SELENOT: variants seen among roughly 807,000 people sequenced by gnomAD.
SELENOT encodes the protein thioredoxin reductase-like selenoprotein T.
In SELENOT, 9 loss-of-function variants were observed where a neutral mutation model predicts 24.3. The observed-to-expected ratio is 0.37, with a 90% CI of 0.22 to 0.65. The LOEUF is 0.65. SELENOT is among the 30% of genes least tolerant of loss of function. The pLI is 0.60. For synonymous variants in SELENOT, 81 were observed against 86.0 expected (o/e 0.94, Z 0.32); for missense variants, 166 against 247.6 (o/e 0.67, Z 2.21).
Position 150,627,916 on chromosome 3 carries a change from T to C in SELENOT, c.*287T>C, listed in dbSNP as rs1405917771. 2 of 152,160 alleles carry C rather than the reference T, an allele frequency of 1.3e-5. No homozygotes were observed. Among genetic ancestry groups the C allele is most frequent in the Non-Finnish European group, 2.9e-5 (2 of 68,022 alleles). 9.4% of individuals were successfully genotyped at this position (152,160 alleles called of 1,614,324 possible). A position where few individuals can be genotyped will look rare whatever the true frequency, so the allele number is the denominator to read the frequency against. ...GTGTGTGTGTGTTTTTTTTTTAAGG[T>C]AAACATTACTACTTGTAACTTTTTT... On this transcript the variant is annotated 3_prime_UTR_variant, in exon 6 of 6. Coordinates refer to ENST00000471696, the MANE Select transcript of SELENOT (RefSeq NM_016275.5).
In SELENOT at chr3:150,627,110, T is replaced by G. The variant is rs1458760157; in HGVS notation, c.564T>G (p.Asp188Glu). 1 of 1,613,652 alleles carries G rather than the reference T, an allele frequency of 6.2e-7. No homozygotes were observed. The highest frequency in any genetic ancestry group is 1.3e-5 in the African/African-American group (1 of 75,050). The change falls in exon 5 of 6, where the codon GAT (aspartate) becomes GAG (glutamate). Residue 188 changes from aspartate (D) to glutamate (E), a missense_variant. Asp to Glu is a conservative substitution (Grantham distance 45). Transcript: ENST00000471696. The part of the protein sequence containing the change: ...DNEMKLNVHM[D>E]SIPHHRS ...AAATGAAGCTCAATGTGCATATGGA[T>G]TCAATCCCACACCATCGATCATAGC...
At position 150,628,121 on chromosome 3, in the gene SELENOT, T is replaced by C. The variant is rs1726481973; in HGVS notation, c.*492T>C. The C allele has an allele frequency of 6.6e-6, 1 of 152,276 alleles. No homozygotes were observed. Among genetic ancestry groups the C allele is most frequent in the Non-Finnish European group, 1.5e-5 (1 of 68,038 alleles). The allele number at this position is 152,276 out of a possible 1,614,324, so 9.4% of individuals were successfully genotyped here. A position where few individuals can be genotyped will look rare whatever the true frequency, so the allele number is the denominator to read the frequency against. ...ATAAGAGTTTATCAGACATCTCTAA[T>C]TTGGCCATGTCCAGTTTATACAGTT... On this transcript the variant is annotated 3_prime_UTR_variant, in exon 6 of 6. Transcript: ENST00000471696.
chr3:150,628,811 A>G lies in SELENOT; in HGVS notation c.*1182A>G, dbSNP rs1281862571. The stretch of plus-strand genomic sequence containing the variant: ...GAGTAGTCATGTAACAGCAGTAATA[A>G]CATACTTCAGCTTCCATATAGGAAT... On this transcript the variant is annotated 3_prime_UTR_variant, in exon 6 of 6. Coordinates refer to ENST00000471696, the MANE Select transcript of SELENOT (RefSeq NM_016275.5). The G allele has an allele frequency of 2.0e-5, 3 of 152,204 alleles. No homozygotes were observed. Among genetic ancestry groups the G allele is most frequent in the Non-Finnish European group, 4.4e-5 (3 of 68,020 alleles). 9.4% of individuals were successfully genotyped at this position (152,204 alleles called of 1,614,324 possible). A position where few individuals can be genotyped will look rare whatever the true frequency, so the allele number is the denominator to read the frequency against.
intron 4 of SELENOT, among the ~76,000 whole-genome samples, chr3:150,625,558 GTTACCCTCTTCTGCATTCTCTAAA>G (rs1333737286): frequency 1.3e-5 from 2 of 151,796 alleles, no homozygotes; most frequent in Non-Finnish European, 2.9e-5. Flanking sequence ...CAATTAACTT[GTTACCCTCTTCTGCATTCTCTAAA>G]CCAAGGGTTG....
chr3:150,609,128 G>A (rs1177071138), intron 1 of SELENOT, among the ~76,000 whole-genome samples: 1 of 152,150 alleles, frequency 6.6e-6, no homozygotes, highest in Non-Finnish European at 1.5e-5. Flanking sequence ...TTGGTTATGG[G>A]TTTGTCAGAG....
chr3:150,611,501 G>T, intron 1 of SELENOT: 2 of 1,110,622 alleles, frequency 1.8e-6, no homozygotes, highest in Non-Finnish European at 2.8e-6. Context: ...TCGAAATCTT[G>T]AACAGGTGAA....
At chr3:150,621,108 A>C (rs979230349) in intron 1 of SELENOT, among the ~76,000 whole-genome samples, 5 of 152,218 alleles carry the variant, frequency 3.3e-5, no homozygotes, top group African/African-American at 1.2e-4. Flanking sequence ...CATTAGGTGG[A>C]TGTTAAGGAT....
rs1217169211 is a variant in SELENOT, at chr3:150,630,237, TTTGA to T, written c.*2612_*2615del. 2 of 152,240 alleles carry T rather than the reference TTTGA, an allele frequency of 1.3e-5. No individual in the cohort carries two copies. Among genetic ancestry groups the T allele is most frequent in the African/African-American group, 4.8e-5 (2 of 41,458 alleles). The allele number at this position is 152,240 out of a possible 1,614,324, so 9.4% of individuals were successfully genotyped here. A position where few individuals can be genotyped will look rare whatever the true frequency, so the allele number is the denominator to read the frequency against. ...CTTTGAATGTTAATTAGTTTGGGAC[TTTGA>T]TTGGCTGGCAAACATTTTATCATTG... On this transcript the variant is annotated 3_prime_UTR_variant, in exon 6 of 6. Coordinates refer to ENST00000471696, the MANE Select transcript of SELENOT (RefSeq NM_016275.5).
At chr3:150,611,747 C>T (rs984913179) in intron 1 of SELENOT, 8 of 1,427,592 alleles carry the variant, frequency 5.6e-6, no homozygotes, top group Non-Finnish European at 7.8e-6. Context: ...CCTGGCCGCC[C>T]CCAGGGGCCC....
At chr3:150,616,748 A>G (rs1024666664) in intron 1 of SELENOT, among the ~76,000 whole-genome samples, 3 of 152,224 alleles carry the variant, frequency 2.0e-5, no homozygotes, top group Admixed American at 6.5e-5. Flanking sequence ...ATCAAGTGCT[A>G]TTTGAATGTC....
chr3:150,622,917 T>A (rs1431783783), intron 2 of SELENOT, 126 bp from the exon 3 acceptor site: 1 of 832,160 alleles, frequency 1.2e-6, no homozygotes, highest in African/African-American at 1.8e-5. Flanking sequence ...AAACTTTAAT[T>A]GCTTTTTCTA....
intron 1 of SELENOT, among the ~76,000 whole-genome samples, chr3:150,617,258 C>A (rs1726238073): frequency 6.6e-6 from 1 of 152,030 alleles, no homozygotes; most frequent in African/African-American, 2.4e-5. Context: ...AGTCTTAAAT[C>A]TTTTCTCTTA....
At chr3:150,611,204 T>G (rs1726081953) in intron 1 of SELENOT, 1 of 842,240 alleles carries the variant, frequency 1.2e-6, no homozygotes, top group Admixed American at 2.5e-5. Context: ...CATTTCTACA[T>G]GTGAAAAAGC....
rs765226203 is a variant in SELENOT, at chr3:150,624,859, C to T, written c.423C>T (p.Asn141=). ...TCTTCTTGAGCAACATGATTGAGAA[C>T]CAGTGTATGTCAACAGGTGCATTTG... is the stretch of plus-strand genomic sequence containing the variant. ...MVFFLSNMIE[N]QCMSTGAFEI... Residue 141 remains asparagine (N), a synonymous_variant, in exon 4 of 6, where the codon AAC becomes AAT. Transcript: ENST00000471696. 6 of 1,564,304 alleles carry T rather than the reference C, an allele frequency of 3.8e-6. No individual in the cohort carries two copies. The highest frequency in any genetic ancestry group is 1.4e-5 in the African/African-American group (1 of 73,778).
At chr3:150,618,622 A>C (rs1726270095) in intron 1 of SELENOT, 1 of 153,922 alleles carries the variant, frequency 6.5e-6, no homozygotes, top group Non-Finnish European at 1.5e-5. Context: ...CTTAGACTCA[A>C]ATGATCCTCC....
At chr3:150,610,111 T>C (rs34597052) in intron 1 of SELENOT, among the ~76,000 whole-genome samples, 2,601 of 152,268 alleles carry the variant, frequency 0.017, 32 homozygotes, top group Non-Finnish European at 0.028. Context: ...TGAATGAAAA[T>C]GAAACCCAAC....
At chr3:150,612,581 G>C (rs552360905) in intron 1 of SELENOT, among the ~76,000 whole-genome samples, 26 of 152,268 alleles carry the variant, frequency 1.7e-4, no homozygotes, top group African/African-American at 5.8e-4. Flanking sequence ...CAATTATAAA[G>C]TGGGCATGAT....
intron 1 of SELENOT, chr3:150,611,829 G>A (rs1235410863): frequency 9.7e-6 from 9 of 924,650 alleles, no homozygotes; most frequent in South Asian, 3.1e-5. Context: ...CGACCACAGC[G>A]GCCACTGCGG....
chr3:150,618,268 G>A (rs764349327), intron 1 of SELENOT, among the ~76,000 whole-genome samples: 1 of 152,212 alleles, frequency 6.6e-6, no homozygotes, highest in African/African-American at 2.4e-5. Flanking sequence ...GCCTCGTTGT[G>A]TAAATGGGAC....
Sources: gnomAD v4.1 joint callset for allele counts (sites outside exome capture counted in the v4.1 genomes callset) on GRCh38, gnomAD v4.1.1 for gene constraint, MANE v1.5 for transcripts, NCBI Gene and HGNC (gene_info 2026-07-23, HGNC 2026-07-21) for gene names.